The following BLK variants were observed in gnomAD, a reference collection of about 807,000 sequenced individuals.
BLK encodes BLK proto-oncogene, Src family tyrosine kinase.
Under a neutral mutation model 61.8 loss-of-function variants are expected in BLK, and 64 were observed. The observed-to-expected ratio is 1.03, with a 90% CI of 0.85 to 1.27. The LOEUF is 1.27. BLK is among the 50% of genes most tolerant of loss of function. The pLI, the probability that BLK is intolerant of heterozygous loss-of-function variation, is 0.00. For missense variants in BLK, 853 were observed against 660.5 expected (o/e 1.29, Z -3.19); for synonymous variants, 351 against 272.0 (o/e 1.29, Z -2.86).
intron 10 of BLK, chr8:11,560,855 G>T (rs151035721): frequency 2.2e-6 from 1 of 460,526 alleles, no homozygotes; most frequent in Non-Finnish European, 4.4e-6. Context: ...CAGCTTGCTA[G>T]AGGTCAGCGA....
chr8:11,513,139 C>A (rs754483720), intron 1 of BLK, among the ~76,000 whole-genome samples: 2 of 152,180 alleles, frequency 1.3e-5, no homozygotes. Context: ...TCCATGCCCA[C>A]GGCCTAGATT....
At chr8:11,500,488 A>T in intron 1 of BLK, among the ~76,000 whole-genome samples, 1 of 150,550 alleles carries the variant, frequency 6.6e-6, no homozygotes, top group South Asian at 2.1e-4. Context: ...AAACCACTGC[A>T]CCTGGCCTGT....
chr8:11,552,106 G>T (rs1800933286), intron 6 of BLK, among the ~76,000 whole-genome samples: 1 of 152,214 alleles, frequency 6.6e-6, no homozygotes, highest in Admixed American at 6.5e-5. Context: ...CCCTGTGGTT[G>T]GGGCGATGAG....
rs1176594971 is a variant in BLK, at chr8:11,561,376, G to T, written c.1104G>T (p.Val368=). The T allele has an allele frequency of 6.2e-7, 1 of 1,614,148 alleles. No homozygotes were observed. The highest frequency in any genetic ancestry group is 2.2e-5 in the East Asian group (1 of 44,884). Residue 368 remains valine (V), a synonymous_variant, in exon 11 of 13, where the codon GTG becomes GTT. Coordinates refer to ENST00000259089, the MANE Select transcript of BLK (RefSeq NM_001715.3). ...ACCTGCGGGCGGCCAACATCCTGGT[G>T]TCTGAGGCCTTGTGCTGCAAAATTG... ...HRDLRAANIL[V]SEALCCKIAD...
rs572455508 is a variant in BLK, at chr8:11,503,152, G to T, written c.-2+8561G>T. Among the ~76,000 whole-genome samples the T allele has an allele frequency of 5.3e-5, 8 of 152,348 alleles. No individual in the cohort carries two copies. The East Asian group carries it at 1.5e-3, about 29-fold the overall frequency. ...AACTGAAGGAGGCCCTGATGCTTGA[G>T]GTTGTTCAAGTGCAGAGAATGTTTG... is the stretch of plus-strand genomic sequence containing the variant. On this transcript the variant is annotated intron_variant, in intron 1 of 12. Transcript: ENST00000259089.
At chr8:11,556,082 C>T (rs1446961860) in intron 8 of BLK, 4 of 225,246 alleles carry the variant, frequency 1.8e-5, no homozygotes, top group Admixed American at 5.2e-5. Context: ...CTGATGCCCA[C>T]GGTGCTTTTG....
chr8:11,540,358 G>C (rs1434939573), intron 1 of BLK, among the ~76,000 whole-genome samples: 1 of 151,938 alleles, frequency 6.6e-6, no homozygotes, highest in Non-Finnish European at 1.5e-5. Context: ...AAATCTGTTT[G>C]TATGTTTTTT....
chr8:11,512,840 T>C (rs1268238193), intron 1 of BLK, among the ~76,000 whole-genome samples: 4 of 152,154 alleles, frequency 2.6e-5, no homozygotes, highest in African/African-American at 9.7e-5. Flanking sequence ...CTAATTATTG[T>C]ATTTTTAGTA....
At chr8:11,532,333 G>A (rs1323180207) in intron 1 of BLK, among the ~76,000 whole-genome samples, 1 of 149,500 alleles carries the variant, frequency 6.7e-6, no homozygotes, top group African/African-American at 2.5e-5. Flanking sequence ...CAAGTAGCTA[G>A]GATTACAGGC....
At chr8:11,560,847 G>C (rs1343921356) in intron 10 of BLK, 2 of 459,614 alleles carry the variant, frequency 4.4e-6, no homozygotes, top group Non-Finnish European at 8.7e-6. Context: ...AGGTTAAGCA[G>C]CTTGCTAGAG....
chr8:11,495,158 C>T (rs1272272207), intron 1 of BLK, among the ~76,000 whole-genome samples: 3 of 152,218 alleles, frequency 2.0e-5, no homozygotes, highest in South Asian at 2.1e-4. Context: ...GAAACACCAA[C>T]TGTGAAAAGG....
At chr8:11,513,101 G>A (rs958361961) in intron 1 of BLK, among the ~76,000 whole-genome samples, 18 of 152,246 alleles carry the variant, frequency 1.2e-4, no homozygotes, top group Admixed American at 1.2e-3. Context: ...TACTTTTCTT[G>A]TTTTATCCTC....
intron 2 of BLK, chr8:11,545,816 A>C: frequency 1.7e-6 from 1 of 580,330 alleles, no homozygotes; most frequent in Non-Finnish European, 3.1e-6. Context: ...TCATATCCAC[A>C]TTGGGGCATC....
At chr8:11,506,233 C>T (rs772749153) in intron 1 of BLK, among the ~76,000 whole-genome samples, 1 of 152,216 alleles carries the variant, frequency 6.6e-6, no homozygotes, top group Admixed American at 6.5e-5. Context: ...GTGCTTGAAG[C>T]TGTTTTATGT....
intron 11 of BLK, among the ~76,000 whole-genome samples, chr8:11,562,751 A>G (rs1040498068): frequency 6.6e-6 from 1 of 152,108 alleles, no homozygotes; most frequent in Non-Finnish European, 1.5e-5. Context: ...ACTGTGTGGT[A>G]TTGGTGTCCA....
chr8:11,504,444 CA>C (rs1216761667), intron 1 of BLK, among the ~76,000 whole-genome samples: 2 of 149,178 alleles, frequency 1.3e-5, no homozygotes, highest in African/African-American at 5.1e-5. Context: ...TTCACCTGCA[CA>C]AAAGCCACAC....
intron 5 of BLK, 162 bp from the exon 6 acceptor site, chr8:11,549,997 C>G: frequency 1.4e-6 from 1 of 699,506 alleles, no homozygotes; most frequent in South Asian, 1.5e-5. Context: ...GCAGAGGGCA[C>G]TGACTCCATC....
At chr8:11,516,390 G>T (rs557137009) in intron 1 of BLK, among the ~76,000 whole-genome samples, 1 of 152,162 alleles carries the variant, frequency 6.6e-6, no homozygotes, top group Non-Finnish European at 1.5e-5. Context: ...TCTCACGACC[G>T]CCCTTCCCCC....
chr8:11,532,517 T>G (rs1030638917), intron 1 of BLK, among the ~76,000 whole-genome samples: 1 of 152,140 alleles, frequency 6.6e-6, no homozygotes, highest in African/African-American at 2.4e-5. Flanking sequence ...GGCCTCTCTT[T>G]TTTCTTAATT....
Sources: allele counts gnomAD v4.1 joint callset (sites outside exome capture counted in the v4.1 genomes callset), GRCh38; gene constraint gnomAD v4.1.1; transcripts MANE v1.5; gene names NCBI Gene and HGNC (gene_info 2026-07-23, HGNC 2026-07-21).